Variants in PCDH15 observed in about 807,000 individuals in gnomAD.
PCDH15 encodes the protein protocadherin related 15.
Under a neutral mutation model 178.5 loss-of-function variants are expected in PCDH15, and 129 were observed. That is an observed-to-expected ratio of 0.72 (90% confidence interval 0.63 to 0.84). The LOEUF is 0.84. PCDH15 is among the 40% of genes least tolerant of loss of function. PCDH15 has a pLI of 0.00. For synonymous variants in PCDH15, 800 were observed against 732.0 expected (o/e 1.09, Z -1.50); for missense variants, 2,230 against 2,099.9 (o/e 1.06, Z -1.21).
chr10:54,702,979 AAC>A (rs1481378234), intron 1 of PCDH15, among the ~76,000 whole-genome samples: 1 of 152,080 alleles, frequency 6.6e-6, no homozygotes, highest in Non-Finnish European at 1.5e-5. Context: ...CAAACAAACA[AAC>A]AAAAACTAGC....
At chr10:55,262,095 G>GACAGA (rs1554846796) in intron 1 of PCDH15, among the ~76,000 whole-genome samples, 1 of 124,170 alleles carries the variant, frequency 8.1e-6, no homozygotes, top group Non-Finnish European at 1.6e-5. Flanking sequence ...AGGAGGAGAG[G>GACAGA]AGAGAAGAGA....
intron 15 of PCDH15, among the ~76,000 whole-genome samples, chr10:54,099,513 A>AAAAAAATATATATAT (rs1347306483): frequency 8.5e-6 from 1 of 117,930 alleles, no homozygotes; most frequent in African/African-American, 3.8e-5. Flanking sequence ...AAAAAAAAAA[A>AAAAAAATATATATAT]ATATATATAT....
chr10:54,820,740 C>T (rs928592417), intron 3 of PCDH15, among the ~76,000 whole-genome samples: 2 of 151,962 alleles, frequency 1.3e-5, no homozygotes, highest in Non-Finnish European at 2.9e-5. Flanking sequence ...GTAACTTACA[C>T]TATTTTAAGA....
chr10:55,066,425 T>G (rs991130272), intron 2 of PCDH15, among the ~76,000 whole-genome samples: 1 of 150,976 alleles, frequency 6.6e-6, no homozygotes, highest in African/African-American at 2.4e-5. Context: ...AATTAGAGAT[T>G]GGATTGTTAA....
chr10:54,793,663 T>C (rs1393603223), intron 1 of PCDH15, among the ~76,000 whole-genome samples: 1 of 148,814 alleles, frequency 6.7e-6, no homozygotes, highest in Non-Finnish European at 1.5e-5. Context: ...TATATGCTTA[T>C]ATATACATAT....
intron 2 of PCDH15, among the ~76,000 whole-genome samples, chr10:55,544,201 T>C (rs971465569): frequency 1.4e-5 from 2 of 144,846 alleles, no homozygotes; most frequent in Non-Finnish European, 3.0e-5. Context: ...CATATATGCA[T>C]ATATGTAGCT....
intron 2 of PCDH15, among the ~76,000 whole-genome samples, chr10:55,384,448 GA>G (rs1345309572): frequency 6.6e-6 from 1 of 152,078 alleles, no homozygotes; most frequent in Non-Finnish European, 1.5e-5. Context: ...ATGATGTTAT[GA>G]TAAGAAGAAA....
At chr10:54,338,930 C>A (rs1363058394) in intron 6 of PCDH15, among the ~76,000 whole-genome samples, 1 of 152,136 alleles carries the variant, frequency 6.6e-6, no homozygotes. Context: ...ATCTTGCTAA[C>A]AATGAGATTT....
chr10:54,173,900 T>A (rs2047154756), intron 13 of PCDH15, among the ~76,000 whole-genome samples: 1 of 152,152 alleles, frequency 6.6e-6, no homozygotes. Context: ...ATGGAAGTCT[T>A]CTTTGAGGAA....
At chr10:54,487,621 T>C (rs912348392) in intron 3 of PCDH15, among the ~76,000 whole-genome samples, 1 of 152,080 alleles carries the variant, frequency 6.6e-6, no homozygotes, top group Non-Finnish European at 1.5e-5. Context: ...TAGATTTATA[T>C]AACTGATATA....
At chr10:54,487,848 A>C (rs1442406222) in intron 3 of PCDH15, among the ~76,000 whole-genome samples, 1 of 151,968 alleles carries the variant, frequency 6.6e-6, no homozygotes, top group Non-Finnish European at 1.5e-5. Context: ...TAATATTGTA[A>C]TGTCCTAGCC....
chr10:54,749,042 C>T (rs988371695), intron 1 of PCDH15, among the ~76,000 whole-genome samples: 2 of 152,050 alleles, frequency 1.3e-5, no homozygotes, highest in African/African-American at 4.8e-5. Flanking sequence ...TCAGTAAATG[C>T]CTGAAAAAGT....
At chr10:54,018,463 C>A (rs1184029865) in intron 20 of PCDH15, among the ~76,000 whole-genome samples, 1 of 152,006 alleles carries the variant, frequency 6.6e-6, no homozygotes, top group African/African-American at 2.4e-5. Context: ...ACATAATGGA[C>A]TTTAACTATA....
intron 3 of PCDH15, among the ~76,000 whole-genome samples, chr10:54,847,180 A>G (rs1361580653): frequency 6.6e-6 from 1 of 152,158 alleles, no homozygotes; most frequent in African/African-American, 2.4e-5. Context: ...ATGATTCATA[A>G]TCATGAAGAC....
chr10:54,310,203 G>T (rs184011028), intron 8 of PCDH15, among the ~76,000 whole-genome samples: 2 of 152,166 alleles, frequency 1.3e-5, no homozygotes, highest in African/African-American at 4.8e-5. Flanking sequence ...GATAAAAGCC[G>T]TGGAATTCAT....
intron 2 of PCDH15, among the ~76,000 whole-genome samples, chr10:55,010,548 T>A (rs1554822786): frequency 6.6e-6 from 1 of 152,130 alleles, no homozygotes; most frequent in Non-Finnish European, 1.5e-5. Context: ...TGAGGCTTAC[T>A]TGAATGACAA....
At chr10:53,971,908 T>G (rs975205002) in intron 21 of PCDH15, among the ~76,000 whole-genome samples, 2 of 152,096 alleles carry the variant, frequency 1.3e-5, no homozygotes, top group Non-Finnish European at 2.9e-5. Context: ...AAGCTACCAA[T>G]GACTTTCTTC....
intron 10 of PCDH15, among the ~76,000 whole-genome samples, chr10:54,202,997 ATCTT>A (rs2050410776): frequency 6.6e-6 from 1 of 152,022 alleles, no homozygotes; most frequent in African/African-American, 2.4e-5. Context: ...TTTTTAGAGA[ATCTT>A]TCTTTTTAGC....
At chr10:55,001,375 T>C (rs1465281539) in intron 2 of PCDH15, among the ~76,000 whole-genome samples, 1 of 152,134 alleles carries the variant, frequency 6.6e-6, no homozygotes, top group Non-Finnish European at 1.5e-5. Context: ...CCCCCTGCTC[T>C]ACACACACAC....
Sources: gnomAD v4.1 joint callset for allele counts (sites outside exome capture counted in the v4.1 genomes callset) on GRCh38, gnomAD v4.1.1 for gene constraint, MANE v1.5 for transcripts, NCBI Gene and HGNC (gene_info 2026-07-23, HGNC 2026-07-21) for gene names.